MACROD2: variants seen among roughly 807,000 people sequenced by gnomAD.
MACROD2 encodes the protein ADP-ribose glycohydrolase MACROD2.
In MACROD2, 36 loss-of-function variants were observed where a neutral mutation model predicts 70.4. The ratio of observed to expected loss-of-function variants is 0.51; its 90% confidence interval spans 0.39 to 0.68. The LOEUF is 0.68. Among genes scored for constraint, MACROD2 ranks in the 30% least tolerant of loss-of-function variants. The pLI is 0.00. For missense variants in MACROD2, 496 were observed against 538.4 expected (o/e 0.92, Z 0.78); for synonymous variants, 172 against 178.8 (o/e 0.96, Z 0.30).
chr20:14,776,048 C>T (rs370332054), intron 5 of MACROD2, among the ~76,000 whole-genome samples: 6 of 152,030 alleles, frequency 3.9e-5, no homozygotes, highest in South Asian at 2.1e-4. Flanking sequence ...ACCAAATGTG[C>T]GTGGGAAAGA....
chr20:15,138,119 A>G (rs570119047), intron 5 of MACROD2, among the ~76,000 whole-genome samples: 122 of 152,288 alleles, frequency 8.0e-4, no homozygotes, highest in African/African-American at 2.8e-3. Context: ...TAGGAACTCT[A>G]TCAATTTTAA....
intron 2 of MACROD2, among the ~76,000 whole-genome samples, chr20:14,071,718 A>T (rs1039588505): frequency 7.2e-5 from 11 of 152,134 alleles, no homozygotes; most frequent in African/African-American, 2.7e-4. Flanking sequence ...TCTATCTCTA[A>T]TGTGGCTTAT....
intron 10 of MACROD2, among the ~76,000 whole-genome samples, chr20:15,912,199 G>T (rs554656022): frequency 2.0e-5 from 3 of 152,154 alleles, no homozygotes. Flanking sequence ...GAAATTCTCT[G>T]GATTGTCTGG....
intron 3 of MACROD2, among the ~76,000 whole-genome samples, chr20:14,476,686 C>T (rs2084599186): frequency 6.6e-6 from 1 of 152,180 alleles, no homozygotes; most frequent in Non-Finnish European, 1.5e-5. Flanking sequence ...ATTTGACTCA[C>T]AGTCAGTTGG....
chr20:14,897,033 A>G (rs1038658256), intron 5 of MACROD2, among the ~76,000 whole-genome samples: 3 of 152,214 alleles, frequency 2.0e-5, no homozygotes, highest in Non-Finnish European at 4.4e-5. Flanking sequence ...TGAGGTCTGC[A>G]TGTGAACGAT....
At chr20:14,367,660 G>C (rs1268756334) in intron 3 of MACROD2, among the ~76,000 whole-genome samples, 1 of 152,106 alleles carries the variant, frequency 6.6e-6, no homozygotes, top group African/African-American at 2.4e-5. Flanking sequence ...CTTGTATGTT[G>C]GATGAATTGC....
chr20:15,510,298 C>A (rs985427638), intron 8 of MACROD2, among the ~76,000 whole-genome samples: 4 of 152,154 alleles, frequency 2.6e-5, no homozygotes, highest in Non-Finnish European at 5.9e-5. Flanking sequence ...GACATTCTAA[C>A]AACCATTTTC....
At chr20:15,662,919 A>G (rs1171434186) in intron 8 of MACROD2, among the ~76,000 whole-genome samples, 2 of 152,142 alleles carry the variant, frequency 1.3e-5, no homozygotes, top group Non-Finnish European at 2.9e-5. Flanking sequence ...TTGTTCTTGT[A>G]ATTCTTTTAT....
At chr20:14,917,406 A>G (rs377228189) in intron 5 of MACROD2, among the ~76,000 whole-genome samples, 96 of 152,148 alleles carry the variant, frequency 6.3e-4, no homozygotes, top group African/African-American at 2.0e-3. Context: ...AAGAAGTTCT[A>G]TGGTTCCTCC....
intron 6 of MACROD2, among the ~76,000 whole-genome samples, chr20:15,366,843 T>A (rs568423725): frequency 1.8e-4 from 28 of 152,036 alleles, no homozygotes; most frequent in African/African-American, 6.5e-4. Flanking sequence ...TGAGCCACCA[T>A]GCCCAGCCTG....
intron 3 of MACROD2, among the ~76,000 whole-genome samples, chr20:14,305,167 A>G (rs1457191513): frequency 1.3e-5 from 2 of 152,100 alleles, no homozygotes; most frequent in African/African-American, 2.4e-5. Flanking sequence ...TCTCACTTTA[A>G]TTGGTTTTAA....
chr20:14,795,494 A>G (rs1213686394), intron 5 of MACROD2, among the ~76,000 whole-genome samples: 1 of 152,106 alleles, frequency 6.6e-6, no homozygotes, highest in East Asian at 1.9e-4. Flanking sequence ...GTAGATGTTG[A>G]TGTCATTATG....
chr20:15,811,436 C>A (rs2063820706), intron 8 of MACROD2, among the ~76,000 whole-genome samples: 1 of 152,156 alleles, frequency 6.6e-6, no homozygotes, highest in African/African-American at 2.4e-5. Flanking sequence ...AGTCAGGAAA[C>A]AACAGGTGCT....
At chr20:15,858,527 ACT>A (rs1010293628) in intron 8 of MACROD2, among the ~76,000 whole-genome samples, 24 of 152,236 alleles carry the variant, frequency 1.6e-4, no homozygotes, top group African/African-American at 5.8e-4. Context: ...AAAACAAGAG[ACT>A]CTGGAAAAAC....
intron 3 of MACROD2, among the ~76,000 whole-genome samples, chr20:14,413,112 A>T (rs1235588137): frequency 6.6e-6 from 1 of 151,772 alleles, no homozygotes; most frequent in African/African-American, 2.4e-5. Context: ...TATTATTATT[A>T]TGAGGAAACT....
chr20:14,305,159 T>C (rs2082509120), intron 3 of MACROD2, among the ~76,000 whole-genome samples: 1 of 152,180 alleles, frequency 6.6e-6, no homozygotes, highest in Non-Finnish European at 1.5e-5. Context: ...CTTTGCCTTC[T>C]CACTTTAATT....
intron 12 of MACROD2, among the ~76,000 whole-genome samples, chr20:15,938,074 A>G (rs1019971275): frequency 6.7e-5 from 8 of 119,898 alleles, no homozygotes; most frequent in Admixed American, 3.8e-4. Context: ...CAGAAAAAGT[A>G]AAAAAAAAAA....
chr20:14,896,181 G>A (rs2073826731), intron 5 of MACROD2, among the ~76,000 whole-genome samples: 1 of 152,064 alleles, frequency 6.6e-6, no homozygotes, highest in South Asian at 2.1e-4. Flanking sequence ...TGTAATACCA[G>A]CTACTCAGGA....
At chr20:15,037,191 C>T (rs2075319967) in intron 5 of MACROD2, among the ~76,000 whole-genome samples, 1 of 152,038 alleles carries the variant, frequency 6.6e-6, no homozygotes, top group Non-Finnish European at 1.5e-5. Context: ...TCACTGCATT[C>T]CAATACTAGA....
Sources: gnomAD v4.1 joint callset for allele counts (sites outside exome capture counted in the v4.1 genomes callset) on GRCh38, gnomAD v4.1.1 for gene constraint, MANE v1.5 for transcripts, NCBI Gene and HGNC (gene_info 2026-07-23, HGNC 2026-07-21) for gene names.